The following CDH12 variants were observed in gnomAD, a reference collection of about 807,000 sequenced individuals.
CDH12 encodes cadherin-12.
CDH12 carries 41 observed loss-of-function variants against 74.1 expected under a neutral mutation model. The observed-to-expected ratio is 0.55, with a 90% CI of 0.43 to 0.72. The LOEUF (loss-of-function observed/expected upper bound fraction) is 0.72, where lower values mean the gene tolerates loss of function less well. Ranked by LOEUF, CDH12 falls within the 30% of genes least tolerant of loss-of-function variation. CDH12 has a pLI of 0.00. For synonymous variants in CDH12, 399 were observed against 355.0 expected, an observed-to-expected ratio of 1.12 and a Z score of -1.39; for missense variants, 945 against 977.2, an observed-to-expected ratio of 0.97 and a Z score of 0.44.
chr5:22,822,292 T>G (rs1403738537), intron 1 of CDH12, among the ~76,000 whole-genome samples: 3 of 152,142 alleles, frequency 2.0e-5, no homozygotes, highest in Non-Finnish European at 4.4e-5. Context: ...GAAGAAAACC[T>G]AGGCAATACC....
At chr5:21,852,520 T>C (rs1750525536) in intron 7 of CDH12, among the ~76,000 whole-genome samples, 1 of 151,372 alleles carries the variant, frequency 6.6e-6, no homozygotes, top group Non-Finnish European at 1.5e-5. Flanking sequence ...CATTTGACCA[T>C]AAAAATTATA....
intron 4 of CDH12, among the ~76,000 whole-genome samples, chr5:22,198,879 T>TTTTATTTATTTATTTATTTATTTA (rs57356477): frequency 6.7e-6 from 1 of 150,300 alleles, no homozygotes; most frequent in Non-Finnish European, 1.5e-5. Context: ...CATTTTTTAT[T>TTTTATTTATTTATTTATTTATTTA]TTTATTTATT....
At chr5:22,401,494 A>G (rs930589494) in intron 3 of CDH12, among the ~76,000 whole-genome samples, 2 of 152,160 alleles carry the variant, frequency 1.3e-5, no homozygotes, top group Non-Finnish European at 2.9e-5. Flanking sequence ...ATTTTGTTAC[A>G]TTCCTTTGGT....
chr5:22,699,533 A>G (rs570959623), intron 1 of CDH12, among the ~76,000 whole-genome samples: 1 of 152,312 alleles, frequency 6.6e-6, no homozygotes, highest in Admixed American at 6.5e-5. Context: ...GACCTGTTGT[A>G]TTGTAAGCAG....
chr5:22,314,941 CTTT>C (rs759734847), intron 3 of CDH12, among the ~76,000 whole-genome samples: 138 of 67,684 alleles, frequency 2.0e-3, no homozygotes, highest in African/African-American at 8.6e-3. Context: ...CTGGGTTGGT[CTTT>C]TTTTTTTTTT....
At position 21,752,118 on chromosome 5, in the gene CDH12, T is replaced by C; in HGVS notation, c.2004A>G (p.Glu668=). ...IHYDDEGGGE[E]DTQAFDIGAL... ...CCCCGATGTCGAAAGCCTGGGTATC[T>C]TCCTCCCCACCTCCTTCATCATCGT... Residue 668 remains glutamate (E), a synonymous_variant, in exon 15 of 15, where the codon GAA becomes GAG. Transcript: ENST00000382254. 1 of 1,614,182 alleles carries C rather than the reference T, an allele frequency of 6.2e-7. No homozygotes were observed. Among genetic ancestry groups the C allele is most frequent in the Non-Finnish European group, 8.5e-7 (1 of 1,180,028 alleles).
chr5:22,734,630 A>G (rs986415191), intron 1 of CDH12, among the ~76,000 whole-genome samples: 3 of 151,982 alleles, frequency 2.0e-5, no homozygotes, highest in South Asian at 4.1e-4. Flanking sequence ...AACACTGGTA[A>G]CTCATTGCTT....
intron 2 of CDH12, among the ~76,000 whole-genome samples, chr5:22,424,176 T>C (rs113568456): frequency 0.01 from 1,522 of 152,162 alleles, 29 homozygotes; most frequent in African/African-American, 0.035. Flanking sequence ...CCACAAATTC[T>C]TCCTCCTTGT....
chr5:22,677,627 A>G (rs1741267180), intron 1 of CDH12, among the ~76,000 whole-genome samples: 1 of 152,106 alleles, frequency 6.6e-6, no homozygotes, highest in South Asian at 2.1e-4. Context: ...TGGCACTAGG[A>G]TAGAGACTGG....
chr5:22,289,758 G>A (rs563798002), intron 3 of CDH12, among the ~76,000 whole-genome samples: 1 of 152,182 alleles, frequency 6.6e-6, no homozygotes, highest in Admixed American at 6.5e-5. Flanking sequence ...TCTTCTTGGG[G>A]GAAAGAGAGG....
chr5:22,849,320 A>G (rs141058333), intron 1 of CDH12, among the ~76,000 whole-genome samples: 38 of 152,284 alleles, frequency 2.5e-4, no homozygotes, highest in African/African-American at 8.2e-4. Flanking sequence ...AACTTTCCAC[A>G]TCATCATGTA....
At chr5:22,515,245 T>C (rs1736758046) in intron 1 of CDH12, among the ~76,000 whole-genome samples, 1 of 152,140 alleles carries the variant, frequency 6.6e-6, no homozygotes, top group Non-Finnish European at 1.5e-5. Context: ...TTTAAGTATA[T>C]ACCAATTCAA....
intron 3 of CDH12, among the ~76,000 whole-genome samples, chr5:22,351,180 TGA>T (rs1471519872): frequency 1.3e-5 from 2 of 152,096 alleles, no homozygotes; most frequent in African/African-American, 4.8e-5. Flanking sequence ...AAGATTATAC[TGA>T]GAGTGGATTG....
intron 5 of CDH12, among the ~76,000 whole-genome samples, chr5:22,043,732 T>A (rs1327434244): frequency 1.3e-5 from 2 of 150,604 alleles, no homozygotes; most frequent in Admixed American, 1.3e-4. Flanking sequence ...TTAGAACTGA[T>A]TTACAAGTTC....
intron 1 of CDH12, among the ~76,000 whole-genome samples, chr5:22,570,513 A>C (rs1328354393): frequency 6.6e-6 from 1 of 152,058 alleles, no homozygotes; most frequent in African/African-American, 2.4e-5. Context: ...ATGAGCAGTA[A>C]TATTTTGAAA....
At chr5:22,483,230 AG>A (rs1419403198) in intron 2 of CDH12, among the ~76,000 whole-genome samples, 1 of 152,196 alleles carries the variant, frequency 6.6e-6, no homozygotes, top group Non-Finnish European at 1.5e-5. Context: ...ACTGCAGGAA[AG>A]GTTGAACAAA....
At chr5:22,702,450 T>C (rs948842485) in intron 1 of CDH12, among the ~76,000 whole-genome samples, 12 of 152,082 alleles carry the variant, frequency 7.9e-5, no homozygotes, top group African/African-American at 2.9e-4. Flanking sequence ...TCTCTGGTGT[T>C]TTCTCTTCTC....
At chr5:22,458,138 C>T (rs1745363872) in intron 2 of CDH12, among the ~76,000 whole-genome samples, 1 of 152,110 alleles carries the variant, frequency 6.6e-6, no homozygotes, top group South Asian at 2.1e-4. Context: ...CCTTGCCCTC[C>T]CAAAGTGCTA....
intron 1 of CDH12, among the ~76,000 whole-genome samples, chr5:22,614,761 C>A (rs1442313546): frequency 6.6e-6 from 1 of 152,022 alleles, no homozygotes; most frequent in Non-Finnish European, 1.5e-5. Flanking sequence ...TTCCAATATC[C>A]CCAGTGGATG....
Sources: allele counts gnomAD v4.1 joint callset (sites outside exome capture counted in the v4.1 genomes callset), GRCh38; gene constraint gnomAD v4.1.1; transcripts MANE v1.5; gene names NCBI Gene and HGNC (gene_info 2026-07-23, HGNC 2026-07-21).